The following LRRN2 variants were observed in gnomAD, a reference collection of about 807,000 sequenced individuals.
LRRN2 encodes leucine rich repeat neuronal 2.
A neutral mutation model predicts 35.7 loss-of-function variants in LRRN2; 10 were observed. That is an observed-to-expected ratio of 0.28 (90% CI 0.17 to 0.47). The LOEUF (loss-of-function observed/expected upper bound fraction) is 0.47, where lower values mean the gene tolerates loss of function less well. Among genes scored for constraint, LRRN2 ranks in the 20% least tolerant of loss-of-function variants. The pLI is 0.99. For synonymous variants in LRRN2, 391 were observed against 409.6 expected (o/e 0.95, Z 0.55); for missense variants, 731 against 940.3 (o/e 0.78, Z 2.91).
chr1:204,685,576 G>C lies in LRRN2; in HGVS notation c.-483C>G, dbSNP rs1396664290. 4 of 152,010 alleles carry C rather than the reference G, an allele frequency of 2.6e-5. No individual in the cohort carries two copies. The highest frequency in any genetic ancestry group is 4.4e-5 in the Non-Finnish European group (3 of 68,028). 9.4% of individuals were successfully genotyped at this position (152,010 alleles called of 1,614,324 possible). On this transcript the variant is annotated 5_prime_UTR_variant, in exon 1 of 2. Coordinates refer to ENST00000367177, the MANE Select transcript of LRRN2 (RefSeq NM_201630.2). ...CTCTCCGCGCCCTGGGCGCGTCGCG[G>C]CCGGAGGCTGGCGGGCGAGAGCCAG...
intron 1 of LRRN2, among the ~76,000 whole-genome samples, chr1:204,642,752 T>G (rs1170927941): frequency 1.3e-5 from 2 of 152,220 alleles, no homozygotes; most frequent in Non-Finnish European, 2.9e-5. Context: ...AACAAGTGAT[T>G]AGGCAGCTCT....
At chr1:204,654,638 G>C (rs1439446560) in intron 1 of LRRN2, among the ~76,000 whole-genome samples, 1 of 152,106 alleles carries the variant, frequency 6.6e-6, no homozygotes, top group Non-Finnish European at 1.5e-5. Context: ...TCCTTCCCTG[G>C]ACCAGAAGCT....
intron 1 of LRRN2, among the ~76,000 whole-genome samples, chr1:204,655,683 C>T (rs1668334157): frequency 6.6e-6 from 1 of 151,870 alleles, no homozygotes; most frequent in Non-Finnish European, 1.5e-5. Context: ...TGTATTTTCT[C>T]TGCCAGGCAC....
chr1:204,624,511 C>A (rs1165020006), intron 1 of LRRN2, among the ~76,000 whole-genome samples: 1 of 152,214 alleles, frequency 6.6e-6, no homozygotes, highest in African/African-American at 2.4e-5. Context: ...GGTCTATGTT[C>A]TCGGGGCTGT....
chr1:204,629,308 T>C (rs1667605055), intron 1 of LRRN2: 1 of 152,348 alleles, frequency 6.6e-6, no homozygotes, highest in Non-Finnish European at 1.5e-5. Context: ...CTATGTGGTC[T>C]TTCCTGACGA....
intron 1 of LRRN2, among the ~76,000 whole-genome samples, chr1:204,651,845 T>A (rs1668231418): frequency 6.6e-6 from 1 of 152,082 alleles, no homozygotes; most frequent in Non-Finnish European, 1.5e-5. Flanking sequence ...CAGCCCTCCT[T>A]CCAGAACCCC....
intron 1 of LRRN2, among the ~76,000 whole-genome samples, chr1:204,640,277 A>C (rs1667950050): frequency 6.6e-6 from 1 of 152,110 alleles, no homozygotes; most frequent in Admixed American, 6.5e-5. Flanking sequence ...CTCTTTTATA[A>C]GGACATTAAT....
rs565056992 is a variant in LRRN2 at position 204,666,037 on chromosome 1, G to A, written c.-227+19283C>T. ...GGAAGAAGCAGGAGTTGGAAGGGTT[G>A]CTTTGCATTTTGATAAAATGAGCAA... is the stretch of plus-strand genomic sequence containing the variant. On this transcript the variant is annotated intron_variant, in intron 1 of 1. Transcript: ENST00000367177. Among the ~76,000 whole-genome samples, 10 of 152,316 alleles carry A rather than the reference G, an allele frequency of 6.6e-5. No homozygotes were observed. The South Asian group carries it at 2.1e-3, about 32-fold the overall frequency.
chr1:204,629,914 T>A (rs1667636520), intron 1 of LRRN2, among the ~76,000 whole-genome samples: 1 of 152,016 alleles, frequency 6.6e-6, no homozygotes, highest in Admixed American at 6.6e-5. Flanking sequence ...TGAGCACACA[T>A]GGACATAAAT....
chr1:204,627,461 C>T (rs1387720411), intron 1 of LRRN2: 1 of 152,230 alleles, frequency 6.6e-6, no homozygotes, highest in Admixed American at 6.5e-5. Context: ...CTTGTTGGGC[C>T]TGGGAGGGGA....
At chr1:204,644,792 T>C (rs527383512) in intron 1 of LRRN2, among the ~76,000 whole-genome samples, 12 of 152,292 alleles carry the variant, frequency 7.9e-5, no homozygotes, top group African/African-American at 2.9e-4. Context: ...TAAATGCAGC[T>C]TGGGGTAAAA....
At chr1:204,660,577 A>T (rs201574069) in intron 1 of LRRN2, among the ~76,000 whole-genome samples, 5 of 147,232 alleles carry the variant, frequency 3.4e-5, no homozygotes, top group African/African-American at 1.3e-4. Context: ...ACACACACAC[A>T]CACTCTCTCT....
chr1:204,678,709 C>T (rs973695506), intron 1 of LRRN2, among the ~76,000 whole-genome samples: 12 of 152,216 alleles, frequency 7.9e-5, no homozygotes, highest in Admixed American at 2.0e-4. Flanking sequence ...CAGCTTGCCC[C>T]GACTGTGGTG....
chr1:204,641,465 T>C (rs1462834471), intron 1 of LRRN2, among the ~76,000 whole-genome samples: 3 of 152,236 alleles, frequency 2.0e-5, no homozygotes, highest in Non-Finnish European at 2.9e-5. Flanking sequence ...CAGTTTCTTT[T>C]CATCTATGAA....
chr1:204,681,283 T>C (rs931365228), intron 1 of LRRN2, among the ~76,000 whole-genome samples: 3 of 152,114 alleles, frequency 2.0e-5, no homozygotes, highest in Admixed American at 2.0e-4. Flanking sequence ...ATCCCTATAG[T>C]CCAACACTTG....
rs1264838465 is a variant in LRRN2, at chr1:204,618,583, T to C, written c.1410A>G (p.Ala470=). The part of the protein sequence containing the change: ...PAGLRLTPAH[A]GRRYRVYPEG... Reference sequence around the variant, plus strand: ...CGGGGTACACCCGGTACCTCCTGCCTGCATGGGCAGGTGTCAGTCGAAGCC... The same window carrying C: ...CGGGGTACACCCGGTACCTCCTGCCCGCATGGGCAGGTGTCAGTCGAAGCC... The change falls in exon 2 of 2, where the codon GCA becomes GCG. Residue 470 remains alanine (A), a synonymous_variant. Transcript: ENST00000367177. The C allele has an allele frequency of 1.2e-6, 2 of 1,614,016 alleles. No individual in the cohort carries two copies. Among genetic ancestry groups the C allele is most frequent in the Non-Finnish European group, 1.7e-6 (2 of 1,179,994 alleles).
chr1:204,634,254 T>C (rs7541751), intron 1 of LRRN2, among the ~76,000 whole-genome samples: 73,143 of 152,150 alleles, frequency 0.48, 17,904 homozygotes, highest in Admixed American at 0.54. Context: ...GCCAGCCCTA[T>C]GTCCTGAATT....
chr1:204,658,413 T>G (rs1205605064), intron 1 of LRRN2, among the ~76,000 whole-genome samples: 3 of 152,240 alleles, frequency 2.0e-5, no homozygotes, highest in Non-Finnish European at 4.4e-5. Context: ...GCTTCCCCAT[T>G]TGGCTTGGAA....
chr1:204,653,827 A>C (rs1438389337), intron 1 of LRRN2, among the ~76,000 whole-genome samples: 2 of 148,790 alleles, frequency 1.3e-5, no homozygotes, highest in Admixed American at 6.8e-5. Context: ...GTACCACTGC[A>C]CTCCAGCCTG....
Sources: gnomAD v4.1 joint callset for allele counts (sites outside exome capture counted in the v4.1 genomes callset) on GRCh38, gnomAD v4.1.1 for gene constraint, MANE v1.5 for transcripts, NCBI Gene and HGNC (gene_info 2026-07-23, HGNC 2026-07-21) for gene names.